RANBP2: variants seen among roughly 807,000 people sequenced by gnomAD.
The protein encoded by RANBP2 is E3 SUMO-protein ligase RanBP2.
Under a neutral mutation model 303.6 loss-of-function variants are expected in RANBP2, and 57 were observed. The observed-to-expected ratio is 0.19, with a 90% CI of 0.15 to 0.23. The LOEUF is 0.23. RANBP2 is among the 10% of genes least tolerant of loss of function. The pLI is 1.00. For missense variants in RANBP2, 3,138 were observed against 3,780.8 expected (o/e 0.83, Z 4.46); for synonymous variants, 1,167 against 1,301.5 (o/e 0.90, Z 2.23).
At chr2:109,221,538 C>T in the RANBP2 span, among the ~76,000 whole-genome samples, 1 of 148,284 alleles carries the variant, frequency 6.7e-6, no homozygotes, top group African/African-American at 2.5e-5. Flanking sequence ...GCCGCGATCG[C>T]GCCAGTGCAC....
chr2:109,193,080 G>A, the RANBP2 span, among the ~76,000 whole-genome samples: 1 of 152,334 alleles, frequency 6.6e-6, no homozygotes, highest in South Asian at 2.1e-4. Context: ...TCAAAGGTGA[G>A]TAAATAGAAG....
the RANBP2 span, chr2:109,546,325 T>C: frequency 5.1e-6 from 4 of 789,684 alleles, no homozygotes; most frequent in African/African-American, 3.6e-5. Context: ...GCGGACCCCA[T>C]AGCGCAACAC....
the RANBP2 span, among the ~76,000 whole-genome samples, chr2:109,468,926 T>C: frequency 6.6e-6 from 1 of 150,588 alleles, no homozygotes; most frequent in Admixed American, 6.6e-5. Context: ...CCTCTACGGC[T>C]TTGATACTGG....
chr2:108,995,749 G>A, the RANBP2 span, among the ~76,000 whole-genome samples: 1 of 152,206 alleles, frequency 6.6e-6, no homozygotes, highest in African/African-American at 2.4e-5. Flanking sequence ...CAACTCATCT[G>A]GGAGGAAGCT....
the RANBP2 span, among the ~76,000 whole-genome samples, chr2:109,510,574 C>T: frequency 6.6e-6 from 1 of 152,232 alleles, no homozygotes; most frequent in African/African-American, 2.4e-5. Context: ...TCCTCACCCT[C>T]TGCAGCCCAG....
chr2:108,852,746 A>G, the RANBP2 span, among the ~76,000 whole-genome samples: 53 of 152,268 alleles, frequency 3.5e-4, no homozygotes, highest in East Asian at 7.7e-3. Context: ...ACTGGGGCCT[A>G]TCAGAGGGTG....
the RANBP2 span, among the ~76,000 whole-genome samples, chr2:108,937,761 G>C: frequency 1.3e-5 from 2 of 152,102 alleles, no homozygotes; most frequent in Non-Finnish European, 2.9e-5. Context: ...ATGAATGTAT[G>C]TGTGTGAATG....
chr2:108,987,083 G>A, the RANBP2 span, among the ~76,000 whole-genome samples: 1 of 152,318 alleles, frequency 6.6e-6, no homozygotes, highest in African/African-American at 2.4e-5. Flanking sequence ...CCAGCTGAGG[G>A]GCTGAGCCAC....
chr2:109,130,067 G>A, the RANBP2 span: 1 of 1,368,556 alleles, frequency 7.3e-7, no homozygotes, highest in Non-Finnish European at 9.4e-7. Context: ...AGCACCGCCG[G>A]CAGTCTGCGG....
At chr2:108,949,918 C>T in the RANBP2 span, among the ~76,000 whole-genome samples, 1 of 152,182 alleles carries the variant, frequency 6.6e-6, no homozygotes, top group Admixed American at 6.5e-5. Context: ...CTCATGGAGG[C>T]CAATGCCCTC....
chr2:109,692,760 G>A, the RANBP2 span, among the ~76,000 whole-genome samples: 2 of 151,856 alleles, frequency 1.3e-5, no homozygotes, highest in South Asian at 2.1e-4. Flanking sequence ...GCCCACATGC[G>A]CCTCGTTCCT....
At chr2:109,425,518 T>G in the RANBP2 span, among the ~76,000 whole-genome samples, 1 of 152,218 alleles carries the variant, frequency 6.6e-6, no homozygotes, top group Non-Finnish European at 1.5e-5. Context: ...ATGCAGCTGG[T>G]GACTCTAAGT....
chr2:109,199,591 A>ACCGTG, the RANBP2 span, among the ~76,000 whole-genome samples: 1 of 178 alleles, frequency 5.6e-3, no homozygotes, highest in Admixed American at 0.056. Context: ...ATGGAATGGA[A>ACCGTG]TGGAATGGAA....
chr2:109,251,128 C>T, the RANBP2 span, among the ~76,000 whole-genome samples: 1 of 151,888 alleles, frequency 6.6e-6, no homozygotes, highest in African/African-American at 2.4e-5. Flanking sequence ...CAGCCTCCCA[C>T]AGTAGCTGGG....
chr2:109,145,290 G>A, the RANBP2 span, among the ~76,000 whole-genome samples: 1 of 152,150 alleles, frequency 6.6e-6, no homozygotes, highest in Non-Finnish European at 1.5e-5. Context: ...ATGCTGTTTG[G>A]TGGTTACAAG....
rs1252055343 is a variant in RANBP2 at position 108,749,123 on chromosome 2, G to A, written c.1267G>A (p.Asp423Asn). ...AGAGCTTGAAGATTTGACTAGATAC[G>A]ATGTTGGTAAGTTATATGTTTCAGA... is the stretch of plus-strand genomic sequence containing the variant. ...EPELEDLTRY[D>N]VGAIRAHNGS... is the part of the protein sequence containing the mutation. Residue 423 changes from aspartate to asparagine, a missense_variant, in exon 9 of 29, where the codon GAT becomes AAT. Physicochemically the swap from Asp to Asn is conservative, Grantham distance 23. Around this residue, in one of 20 missense-constraint regions of RANBP2, gnomAD observed 95 missense variants for 86.4 expected, o/e 1.10. Transcript: ENST00000283195. 3.7e-6 allele frequency: 6 copies of A among 1,611,932 alleles called. No homozygotes were observed. The Admixed American group carries it at 5.0e-5, about 13-fold the overall frequency.
At chr2:109,337,332 C>A in the RANBP2 span, among the ~76,000 whole-genome samples, 4 of 152,244 alleles carry the variant, frequency 2.6e-5, no homozygotes, top group Non-Finnish European at 5.9e-5. Flanking sequence ...GTGCATCGGG[C>A]TGCTGGCCCC....
At chr2:109,104,629 G>A in the RANBP2 span, among the ~76,000 whole-genome samples, 2 of 151,822 alleles carry the variant, frequency 1.3e-5, no homozygotes, top group Admixed American at 6.6e-5. Context: ...GACTGCAGGC[G>A]CCCGCCACCA....
At chr2:108,800,296 G>A in the RANBP2 span, among the ~76,000 whole-genome samples, 1 of 151,958 alleles carries the variant, frequency 6.6e-6, no homozygotes. Flanking sequence ...AGATAGTCTC[G>A]CTCTGTCATC....
Sources: gnomAD v4.1 joint callset for allele counts (sites outside exome capture counted in the v4.1 genomes callset) on GRCh38, gnomAD v4.1.1 for gene constraint, gnomAD v4.1.1 regional missense constraint, MANE v1.5 for transcripts, NCBI Gene and HGNC (gene_info 2026-07-23, HGNC 2026-07-21) for gene names.